The following TRIM44 variants were observed in gnomAD, a reference collection of about 807,000 sequenced individuals.
The protein encoded by TRIM44 is tripartite motif-containing protein 44.
TRIM44 carries 13 observed loss-of-function variants against 37.4 expected under a neutral mutation model. The ratio of observed to expected loss-of-function variants is 0.35; its 90% CI spans 0.23 to 0.55. The LOEUF is 0.55. Among genes scored for constraint, TRIM44 ranks in the 20% least tolerant of loss-of-function variants. The pLI, the probability that TRIM44 is intolerant of heterozygous loss-of-function variation, is 0.89. For synonymous variants in TRIM44, 175 were observed against 157.2 expected (o/e 1.11, Z -0.85); for missense variants, 426 against 437.2 (o/e 0.97, Z 0.23).
chr11:35,756,031 A>C (rs962759178), intron 4 of TRIM44, among the ~76,000 whole-genome samples: 3 of 152,176 alleles, frequency 2.0e-5, no homozygotes, highest in African/African-American at 4.8e-5. Flanking sequence ...GTTTTTTCCA[A>C]TTCTGTGAAG....
At chr11:35,768,569 G>A (rs1852826862) in intron 4 of TRIM44, among the ~76,000 whole-genome samples, 2 of 152,128 alleles carry the variant, frequency 1.3e-5, no homozygotes. Context: ...AGATAGAAAT[G>A]AATTCTATGT....
intron 1 of TRIM44, among the ~76,000 whole-genome samples, chr11:35,681,120 C>A (rs1851517128): frequency 6.6e-6 from 1 of 152,078 alleles, no homozygotes; most frequent in Non-Finnish European, 1.5e-5. Context: ...ATCCACAATG[C>A]CATTTTTGTC....
At chr11:35,726,296 G>A in intron 3 of TRIM44, 133 bp downstream of exon 3, 1 of 1,159,236 alleles carries the variant, frequency 8.6e-7, no homozygotes, top group Non-Finnish European at 1.2e-6. Flanking sequence ...TTCACATGGT[G>A]TATAAACCAG....
At chr11:35,753,519 T>C (rs1238869254) in intron 4 of TRIM44, among the ~76,000 whole-genome samples, 1 of 152,190 alleles carries the variant, frequency 6.6e-6, no homozygotes, top group East Asian at 1.9e-4. Context: ...TGGATCATAA[T>C]TTTTGCTAGG....
At chr11:35,738,729 C>G (rs576157349) in intron 4 of TRIM44, among the ~76,000 whole-genome samples, 12 of 152,146 alleles carry the variant, frequency 7.9e-5, no homozygotes, top group South Asian at 2.1e-4. Flanking sequence ...GCTGACAGTA[C>G]TAAATTAGAG....
chr11:35,801,707 A>G (rs773677422), intron 4 of TRIM44, among the ~76,000 whole-genome samples: 3 of 152,194 alleles, frequency 2.0e-5, no homozygotes, highest in Non-Finnish European at 2.9e-5. Context: ...CACATCAGAC[A>G]GTAAGCCCAA....
At chr11:35,754,055 AAAAG>A (rs1239966465) in intron 4 of TRIM44, among the ~76,000 whole-genome samples, 5 of 136,472 alleles carry the variant, frequency 3.7e-5, no homozygotes, top group African/African-American at 1.9e-4. Flanking sequence ...TTTAAAAAAA[AAAAG>A]AAAAAAAGAA....
intron 3 of TRIM44, among the ~76,000 whole-genome samples, chr11:35,729,203 T>C (rs1852221674): frequency 6.6e-6 from 1 of 152,056 alleles, no homozygotes; most frequent in African/African-American, 2.4e-5. Flanking sequence ...AGCCTGCTTC[T>C]GGAAGCAAAC....
chr11:35,775,029 G>A (rs1055940065), intron 4 of TRIM44, among the ~76,000 whole-genome samples: 4 of 152,130 alleles, frequency 2.6e-5, no homozygotes, highest in Non-Finnish European at 5.9e-5. Flanking sequence ...CTTGATTGGG[G>A]ATGGCATTGA....
intron 1 of TRIM44, among the ~76,000 whole-genome samples, chr11:35,665,866 G>T (rs975418932): frequency 6.6e-6 from 1 of 151,698 alleles, no homozygotes; most frequent in Non-Finnish European, 1.5e-5. Flanking sequence ...GGGATTATAG[G>T]TGTTAGCCAC....
In TRIM44 at chr11:35,809,706, A is replaced by G. The variant is rs1169640298; in HGVS notation, c.*3321A>G. 3.3e-5 allele frequency: 5 copies of G among 152,184 alleles called. No individual in the cohort carries two copies. The highest frequency in any genetic ancestry group is 5.9e-5 in the Non-Finnish European group (4 of 68,030). The allele number at this position is 152,184 out of a possible 1,614,324, so 9.4% of individuals were successfully genotyped here. A position where few individuals can be genotyped will look rare whatever the true frequency, so the allele number is the denominator to read the frequency against. On this transcript the variant is annotated 3_prime_UTR_variant, in exon 5 of 5. Coordinates refer to ENST00000299413, the MANE Select transcript of TRIM44 (RefSeq NM_017583.6). The stretch of plus-strand genomic sequence containing the variant: ...CACTCCTGTAGAAAAGGAAATCTTC[A>G]TATTTTAGTAAACTTAGCCGCCAGT...
At chr11:35,729,217 A>G (rs745193) in intron 3 of TRIM44, among the ~76,000 whole-genome samples, 43,830 of 152,002 alleles carry the variant, frequency 0.29, 6,699 homozygotes, top group Admixed American at 0.41. Context: ...AGCAAACATC[A>G]TGAAAAAAGT....
intron 4 of TRIM44, among the ~76,000 whole-genome samples, chr11:35,777,091 A>T (rs529242011): frequency 7.6e-4 from 115 of 152,274 alleles, no homozygotes; most frequent in African/African-American, 2.6e-3. Flanking sequence ...AGGGAGTCTA[A>T]GTCTCTTTGT....
intron 4 of TRIM44, among the ~76,000 whole-genome samples, chr11:35,743,167 G>A (rs1852436009): frequency 6.6e-6 from 1 of 152,146 alleles, no homozygotes; most frequent in Admixed American, 6.5e-5. Flanking sequence ...AAGGCTCAAG[G>A]AGTGAAAACA....
intron 2 of TRIM44, among the ~76,000 whole-genome samples, chr11:35,722,309 C>G (rs541677240): frequency 1.3e-5 from 2 of 152,252 alleles, no homozygotes; most frequent in East Asian, 3.9e-4. Flanking sequence ...GGAAATTTGG[C>G]TTGTAGGACT....
At chr11:35,720,423 T>C (rs1247797242) in intron 2 of TRIM44, among the ~76,000 whole-genome samples, 3 of 151,558 alleles carry the variant, frequency 2.0e-5, no homozygotes, top group African/African-American at 4.8e-5. Context: ...TTTCTTTTTT[T>C]TTTTTCCTTT....
intron 4 of TRIM44, among the ~76,000 whole-genome samples, chr11:35,764,223 A>G (rs1335598976): frequency 6.6e-6 from 1 of 152,232 alleles, no homozygotes; most frequent in Non-Finnish European, 1.5e-5. Context: ...CTCCTGCTCC[A>G]AAAAGACAAC....
chr11:35,812,995 ACT>A lies in TRIM44; in HGVS notation c.*6611_*6612del, dbSNP rs1853544529. ...ATCCTGAAAGTCAGCCAGCTCTGACACTGAGTCTGTGATTTAATTAAACATGT... is the reference window on the plus strand; with the variant it reads ...ATCCTGAAAGTCAGCCAGCTCTGACAGAGTCTGTGATTTAATTAAACATGT... On this transcript the variant is annotated 3_prime_UTR_variant, in exon 5 of 5. Coordinates refer to ENST00000299413, the MANE Select transcript of TRIM44 (RefSeq NM_017583.6). 6.6e-6 allele frequency: 1 copy of A among 151,948 alleles called. No homozygotes were observed. The highest frequency in any genetic ancestry group is 2.4e-5 in the African/African-American group (1 of 41,230). The allele number at this position is 151,948 out of a possible 1,614,324, so 9.4% of individuals were successfully genotyped here.
intron 2 of TRIM44, among the ~76,000 whole-genome samples, chr11:35,690,883 A>AAT (rs1851629989): frequency 6.6e-6 from 1 of 152,206 alleles, no homozygotes; most frequent in Non-Finnish European, 1.5e-5. Flanking sequence ...ACCAGGGCTT[A>AAT]ACTCGAGATT....
Sources: allele counts gnomAD v4.1 joint callset (sites outside exome capture counted in the v4.1 genomes callset), GRCh38; gene constraint gnomAD v4.1.1; transcripts MANE v1.5; gene names NCBI Gene and HGNC (gene_info 2026-07-23, HGNC 2026-07-21).